The following SLIT3 variants were observed in gnomAD, a reference collection of about 807,000 sequenced individuals.
The protein encoded by SLIT3 is slit homolog 3 protein.
Under a neutral mutation model 184.0 loss-of-function variants are expected in SLIT3, and 68 were observed. The ratio of observed to expected loss-of-function variants is 0.37; its 90% CI spans 0.30 to 0.45. SLIT3 has a LOEUF of 0.45. SLIT3 is among the 20% of genes least tolerant of loss of function. The probability of loss-of-function intolerance (pLI) is 1.00; values close to 1 mark genes in which losing one functional copy is unlikely to be tolerated. For missense variants in SLIT3, 1,707 were observed against 2,026.0 expected, an observed-to-expected ratio of 0.84 and a Z score of 3.02; for synonymous variants, 831 against 828.6, an observed-to-expected ratio of 1.00 and a Z score of -0.05.
intron 3 of SLIT3, among the ~76,000 whole-genome samples, chr5:169,194,006 G>A (rs1239291639): frequency 6.6e-6 from 1 of 152,106 alleles, no homozygotes; most frequent in African/African-American, 2.4e-5. Context: ...GGCTGAGGCA[G>A]GCAGATCATG....
intron 4 of SLIT3, among the ~76,000 whole-genome samples, chr5:168,982,210 T>A (rs1465203092): frequency 6.6e-6 from 1 of 152,240 alleles, no homozygotes; most frequent in East Asian, 1.9e-4. Context: ...ACAACTCATG[T>A]TGAAATTCCC....
intron 3 of SLIT3, among the ~76,000 whole-genome samples, chr5:169,240,788 T>A (rs1024424518): frequency 1.3e-5 from 2 of 151,642 alleles, no homozygotes; most frequent in African/African-American, 4.8e-5. Flanking sequence ...TTGTTCTATG[T>A]TCATTTTCCT....
At chr5:168,912,859 T>C (rs1761298801) in intron 4 of SLIT3, among the ~76,000 whole-genome samples, 1 of 152,142 alleles carries the variant, frequency 6.6e-6, no homozygotes, top group South Asian at 2.1e-4. Context: ...ACTGCTCTGG[T>C]CCTGTTCATC....
intron 4 of SLIT3, among the ~76,000 whole-genome samples, chr5:168,972,674 T>C (rs1754620012): frequency 1.3e-5 from 2 of 152,172 alleles, no homozygotes; most frequent in Non-Finnish European, 2.9e-5. Context: ...GAAATCCTGA[T>C]GAAGGTTCCA....
At chr5:169,205,988 T>C (rs539364554) in intron 3 of SLIT3, among the ~76,000 whole-genome samples, 1 of 152,306 alleles carries the variant, frequency 6.6e-6, no homozygotes, top group East Asian at 1.9e-4. Flanking sequence ...AGGGCAAGCA[T>C]TCTTACACCA....
intron 3 of SLIT3, among the ~76,000 whole-genome samples, chr5:169,218,002 T>C (rs1251955189): frequency 2.0e-5 from 3 of 152,148 alleles, no homozygotes; most frequent in Non-Finnish European, 4.4e-5. Flanking sequence ...ACACCCAAAC[T>C]TGAAATTTAA....
intron 4 of SLIT3, among the ~76,000 whole-genome samples, chr5:169,074,183 G>C (rs752566235): frequency 1.3e-5 from 2 of 152,122 alleles, no homozygotes; most frequent in African/African-American, 4.8e-5. Context: ...TCTGGAGCTG[G>C]GTAGGGGCAA....
At chr5:169,107,660 C>A (rs1052848217) in intron 4 of SLIT3, among the ~76,000 whole-genome samples, 20 of 152,216 alleles carry the variant, frequency 1.3e-4, no homozygotes, top group African/African-American at 4.8e-4. Context: ...AGGCTTGGAG[C>A]CTTTCAATTC....
At chr5:169,278,144 CAGG>C (rs1385284428) in intron 1 of SLIT3, among the ~76,000 whole-genome samples, 1 of 152,208 alleles carries the variant, frequency 6.6e-6, no homozygotes, top group East Asian at 1.9e-4. Flanking sequence ...CCCCTGTTGA[CAGG>C]ATCTGGAACT....
At chr5:168,977,823 T>C (rs1463663005) in intron 4 of SLIT3, among the ~76,000 whole-genome samples, 2 of 152,112 alleles carry the variant, frequency 1.3e-5, no homozygotes, top group Non-Finnish European at 2.9e-5. Context: ...CCAAAAGACA[T>C]GGCTGTATCT....
chr5:168,898,369 AATCTATAG>A (rs1760756916), intron 4 of SLIT3, among the ~76,000 whole-genome samples: 1 of 149,478 alleles, frequency 6.7e-6, no homozygotes, highest in Admixed American at 6.8e-5. Context: ...GGCACAGATG[AATCTATAG>A]CATTTTTATG....
At chr5:168,709,441 CA>C (rs1208375277) in intron 25 of SLIT3, among the ~76,000 whole-genome samples, 2 of 152,156 alleles carry the variant, frequency 1.3e-5, no homozygotes, top group African/African-American at 4.8e-5. Context: ...GGTTGTACCC[CA>C]GACCAATTTA....
intron 4 of SLIT3, among the ~76,000 whole-genome samples, chr5:168,919,215 G>C (rs1326893469): frequency 1.3e-5 from 2 of 149,616 alleles, no homozygotes; most frequent in Non-Finnish European, 1.5e-5. Flanking sequence ...AGCCGAGATC[G>C]CGCCACTGCA....
intron 4 of SLIT3, among the ~76,000 whole-genome samples, chr5:169,108,680 T>A (rs1561670099): frequency 6.6e-6 from 1 of 151,620 alleles, no homozygotes; most frequent in Non-Finnish European, 1.5e-5. Context: ...GAGAAGGAAG[T>A]CCCTCCACAT....
chr5:169,271,046 A>C (rs1766590298), intron 1 of SLIT3, among the ~76,000 whole-genome samples: 1 of 152,186 alleles, frequency 6.6e-6, no homozygotes, highest in African/African-American at 2.4e-5. Flanking sequence ...ATCGTTCAAC[A>C]GTATACAGTG....
chr5:169,018,217 C>T (rs532507722), intron 4 of SLIT3, among the ~76,000 whole-genome samples: 2 of 152,194 alleles, frequency 1.3e-5, no homozygotes, highest in East Asian at 1.9e-4. Flanking sequence ...TTTGCAAGCT[C>T]CTGGGGTGAT....
intron 5 of SLIT3, among the ~76,000 whole-genome samples, chr5:168,869,938 G>T (rs928927566): frequency 1.3e-5 from 2 of 152,236 alleles, no homozygotes; most frequent in Non-Finnish European, 2.9e-5. Flanking sequence ...ATAGCTGTCG[G>T]TGTAAATGGA....
At chr5:168,799,938 C>T (rs982889505) in intron 9 of SLIT3, among the ~76,000 whole-genome samples, 2 of 152,132 alleles carry the variant, frequency 1.3e-5, no homozygotes, top group African/African-American at 2.4e-5. Flanking sequence ...TGGTTGAAGT[C>T]CCTGTGTTCT....
intron 4 of SLIT3, among the ~76,000 whole-genome samples, chr5:169,154,113 C>T (rs916575615): frequency 6.6e-6 from 1 of 152,034 alleles, no homozygotes; most frequent in Non-Finnish European, 1.5e-5. Flanking sequence ...GCTGGGACTA[C>T]AGGCACCCAC....
Sources: allele counts gnomAD v4.1 joint callset (sites outside exome capture counted in the v4.1 genomes callset), GRCh38; gene constraint gnomAD v4.1.1; transcripts MANE v1.5; gene names NCBI Gene and HGNC (gene_info 2026-07-23, HGNC 2026-07-21).